The following PTPRD variants were observed in gnomAD, a reference collection of about 807,000 sequenced individuals.
PTPRD encodes receptor-type tyrosine-protein phosphatase delta.
In PTPRD, 34 loss-of-function variants were observed where a neutral mutation model predicts 214.5. That is an observed-to-expected ratio of 0.16 (90% CI 0.12 to 0.21). PTPRD has a LOEUF of 0.21. Among genes scored for constraint, PTPRD ranks in the 10% least tolerant of loss-of-function variants. PTPRD has a pLI of 1.00. For synonymous variants in PTPRD, 1,128 were observed against 845.7 expected (o/e 1.33, Z -5.79); for missense variants, 2,545 against 2,398.7 (o/e 1.06, Z -1.27).
At chr9:10,216,997 T>C (rs950218388) in intron 3 of PTPRD, among the ~76,000 whole-genome samples, 7 of 151,976 alleles carry the variant, frequency 4.6e-5, no homozygotes, top group Non-Finnish European at 1.0e-4. Flanking sequence ...CTTTTTATTG[T>C]TATTGGCCTG....
chr9:8,903,278 G>A (rs2098685317), intron 11 of PTPRD, among the ~76,000 whole-genome samples: 1 of 152,028 alleles, frequency 6.6e-6, no homozygotes, highest in Non-Finnish European at 1.5e-5. Context: ...CATAGTACTC[G>A]ACTATTAGTT....
At chr9:8,720,879 T>C (rs1409230369) in intron 12 of PTPRD, among the ~76,000 whole-genome samples, 1 of 152,080 alleles carries the variant, frequency 6.6e-6, no homozygotes, top group East Asian at 1.9e-4. Context: ...CTGGCATCTC[T>C]TGGGCCCTCT....
At chr9:9,149,782 G>C (rs752681871) in intron 10 of PTPRD, among the ~76,000 whole-genome samples, 16 of 152,124 alleles carry the variant, frequency 1.1e-4, no homozygotes, top group Non-Finnish European at 2.1e-4. Context: ...TCCACCTTGG[G>C]GTGACAGGCA....
At chr9:8,777,066 A>G (rs10815936) in intron 11 of PTPRD, among the ~76,000 whole-genome samples, 94,121 of 150,984 alleles carry the variant, frequency 0.62, 29,613 homozygotes, top group African/African-American at 0.71. Context: ...CTGCTGCCTC[A>G]ACCTCCTAGC....
intron 9 of PTPRD, among the ~76,000 whole-genome samples, chr9:9,195,098 A>G (rs1054226642): frequency 7.1e-6 from 1 of 141,194 alleles, no homozygotes; most frequent in African/African-American, 2.5e-5. Context: ...ATATATATAT[A>G]TATATATATA....
intron 10 of PTPRD, among the ~76,000 whole-genome samples, chr9:9,077,929 G>A (rs938575293): frequency 8.6e-5 from 13 of 152,016 alleles, no homozygotes; most frequent in Admixed American, 2.0e-4. Flanking sequence ...TGAAGCCATT[G>A]AGCATTTATC....
chr9:8,716,172 C>G (rs1451772446), intron 12 of PTPRD, among the ~76,000 whole-genome samples: 2 of 152,164 alleles, frequency 1.3e-5, no homozygotes, highest in Non-Finnish European at 2.9e-5. Context: ...ATGGATGAAA[C>G]CAGGAGAAGA....
At chr9:8,898,545 C>T (rs1037454761) in intron 11 of PTPRD, among the ~76,000 whole-genome samples, 4 of 152,154 alleles carry the variant, frequency 2.6e-5, no homozygotes, top group South Asian at 2.1e-4. Flanking sequence ...TATTGCATTA[C>T]ATTTTACATA....
At chr9:8,637,284 C>T (rs2096464867) in intron 12 of PTPRD, among the ~76,000 whole-genome samples, 1 of 152,178 alleles carries the variant, frequency 6.6e-6, no homozygotes, top group African/African-American at 2.4e-5. Flanking sequence ...AAATTAGTGA[C>T]ATTTAAGAGA....
At chr9:8,387,905 A>G (rs1210614828) in intron 37 of PTPRD, among the ~76,000 whole-genome samples, 1 of 152,198 alleles carries the variant, frequency 6.6e-6, no homozygotes, top group Non-Finnish European at 1.5e-5. Context: ...GATATATAGG[A>G]GTTACCTTAA....
At chr9:9,796,546 C>A (rs1208821516) in intron 5 of PTPRD, among the ~76,000 whole-genome samples, 1 of 152,052 alleles carries the variant, frequency 6.6e-6, no homozygotes, top group East Asian at 1.9e-4. Flanking sequence ...CAGGGAGGGA[C>A]TTTTCAGTTG....
intron 3 of PTPRD, among the ~76,000 whole-genome samples, chr9:10,196,837 G>C (rs1214758510): frequency 7.8e-6 from 1 of 127,414 alleles, no homozygotes; most frequent in African/African-American, 3.3e-5. Context: ...GAAGTGATTA[G>C]GCCACATGGG....
chr9:9,288,692 G>C (rs1281479210), intron 9 of PTPRD, among the ~76,000 whole-genome samples: 2 of 151,680 alleles, frequency 1.3e-5, no homozygotes, highest in Admixed American at 1.3e-4. Flanking sequence ...TGTTTTTCTT[G>C]GTAGTCAACA....
chr9:9,607,485 T>TG (rs1219691680), intron 7 of PTPRD, among the ~76,000 whole-genome samples: 1 of 152,134 alleles, frequency 6.6e-6, no homozygotes, highest in Non-Finnish European at 1.5e-5. Flanking sequence ...CAAATAGCTA[T>TG]GGTGAGGTGG....
chr9:9,035,313 A>G (rs2154379550), intron 10 of PTPRD, among the ~76,000 whole-genome samples: 1 of 152,226 alleles, frequency 6.6e-6, no homozygotes, highest in East Asian at 1.9e-4. Flanking sequence ...AAACCTGTAT[A>G]TAAAGTACCT....
intron 3 of PTPRD, among the ~76,000 whole-genome samples, chr9:10,286,304 T>G (rs980288815): frequency 1.3e-5 from 2 of 151,990 alleles, no homozygotes; most frequent in Non-Finnish European, 2.9e-5. Context: ...TAGCCAGGCA[T>G]AGTGATATGT....
At chr9:10,338,297 T>G (rs1360883842) in intron 3 of PTPRD, among the ~76,000 whole-genome samples, 2 of 151,592 alleles carry the variant, frequency 1.3e-5, no homozygotes, top group Admixed American at 1.3e-4. Flanking sequence ...TGAGTAACAT[T>G]CTAGCAAGCA....
chr9:9,450,140 GTA>G (rs754412355), intron 8 of PTPRD, among the ~76,000 whole-genome samples: 12 of 144,854 alleles, frequency 8.3e-5, no homozygotes, highest in African/African-American at 3.1e-4. Flanking sequence ...GTGTGTGTGT[GTA>G]TTACAGTTTC....
chr9:9,807,458 A>G (rs910438778), intron 5 of PTPRD, among the ~76,000 whole-genome samples: 1 of 152,114 alleles, frequency 6.6e-6, no homozygotes, highest in African/African-American at 2.4e-5. Context: ...GCTTGTGGGA[A>G]GATTTCAGAG....
Sources: allele counts gnomAD v4.1 joint callset (sites outside exome capture counted in the v4.1 genomes callset), GRCh38; gene constraint gnomAD v4.1.1; transcripts MANE v1.5; gene names NCBI Gene and HGNC (gene_info 2026-07-23, HGNC 2026-07-21).